Variants in ARK2C observed in about 807,000 individuals in gnomAD.
ARK2C encodes arkadia (RNF111) C-terminal like ring finger ubiquitin ligase 2C, also known as E3 ubiquitin-protein ligase ARK2C.
chr18:46,424,268 T>A, the ARK2C span, among the ~76,000 whole-genome samples: 1 of 152,086 alleles, frequency 6.6e-6, no homozygotes, highest in African/African-American at 2.4e-5. Flanking sequence ...GGGCAGAGAA[T>A]GGCTGTCGAG....
chr18:46,350,979 G>A, the ARK2C span, among the ~76,000 whole-genome samples: 1 of 152,204 alleles, frequency 6.6e-6, no homozygotes, highest in Non-Finnish European at 1.5e-5. Context: ...TGCAGGAGGT[G>A]CAGCCATAAA....
the ARK2C span, chr18:46,334,715 T>TGA: frequency 0.017 from 2,051 of 124,220 alleles, 60 homozygotes; most frequent in African/African-American, 0.062. This position sits in a 1 kb window ranked among gnomAD's most constrained non-coding sequence, Gnocchi z 4.4. Flanking sequence ...TGTGTGTGTG[T>TGA]GAGAGAGAGA....
At chr18:46,418,630 G>A in the ARK2C span, among the ~76,000 whole-genome samples, 7 of 152,152 alleles carry the variant, frequency 4.6e-5, no homozygotes, top group African/African-American at 1.7e-4. Flanking sequence ...GCTTCATCAC[G>A]GCTGCTTCCC....
chr18:46,456,161 TG>T, the ARK2C span: 3 of 879,330 alleles, frequency 3.4e-6, no homozygotes, highest in Admixed American at 2.0e-5. Flanking sequence ...GTCTGGGAGT[TG>T]GGGTGCTTGT....
At chr18:46,335,939 G>T in the ARK2C span, 2 of 985,202 alleles carry the variant, frequency 2.0e-6, no homozygotes, top group Non-Finnish European at 2.4e-6. Flanking sequence ...TTCTGCCTCC[G>T]CATTTAGCTG....
At chr18:46,393,245 C>G in the ARK2C span, among the ~76,000 whole-genome samples, 1 of 152,226 alleles carries the variant, frequency 6.6e-6, no homozygotes, top group African/African-American at 2.4e-5. Flanking sequence ...TGGTTTCATC[C>G]TGACAACATC....
At chr18:46,425,079 C>T in the ARK2C span, among the ~76,000 whole-genome samples, 1 of 152,222 alleles carries the variant, frequency 6.6e-6, no homozygotes, top group East Asian at 1.9e-4. Context: ...CCTTTCTGAC[C>T]ATCAGGGCCC....
the ARK2C span, among the ~76,000 whole-genome samples, chr18:46,387,835 GTTA>G: frequency 6.6e-6 from 1 of 152,230 alleles, no homozygotes; most frequent in Non-Finnish European, 1.5e-5. Flanking sequence ...GACCTTAGGG[GTTA>G]TTTAGTTACA....
At chr18:46,374,358 C>T in the ARK2C span, among the ~76,000 whole-genome samples, 1 of 152,180 alleles carries the variant, frequency 6.6e-6, no homozygotes, top group African/African-American at 2.4e-5. Flanking sequence ...CACCATCCAT[C>T]TCCAGAACTT....
the ARK2C span, among the ~76,000 whole-genome samples, chr18:46,424,424 C>A: frequency 2.8e-4 from 43 of 152,252 alleles, no homozygotes; most frequent in Middle Eastern, 6.8e-3. Flanking sequence ...ACGTGGCAGC[C>A]ATTTATTTGG....
At chr18:46,435,286 C>T in the ARK2C span, 7 of 1,613,734 alleles carry the variant, frequency 4.3e-6, no homozygotes, top group South Asian at 5.5e-5. Context: ...CCTTCTGGTG[C>T]AGGCGGAGTC....
At chr18:46,376,957 A>G in the ARK2C span, among the ~76,000 whole-genome samples, 7 of 152,232 alleles carry the variant, frequency 4.6e-5, no homozygotes, top group East Asian at 1.9e-4. Context: ...CGTAAGCCAC[A>G]GGGCCCGGCC....
the ARK2C span, among the ~76,000 whole-genome samples, chr18:46,400,578 C>T: frequency 3.9e-5 from 6 of 152,092 alleles, no homozygotes; most frequent in Admixed American, 6.5e-5. Flanking sequence ...AGGGAACACC[C>T]GCACCTGTTT....
the ARK2C span, among the ~76,000 whole-genome samples, chr18:46,371,012 G>A: frequency 1.1e-4 from 17 of 152,168 alleles, no homozygotes. Flanking sequence ...CTGACTCACA[G>A]TTCCACATGG....
chr18:46,407,781 C>T, the ARK2C span, among the ~76,000 whole-genome samples: 1 of 152,192 alleles, frequency 6.6e-6, no homozygotes, highest in African/African-American at 2.4e-5. Context: ...GTTTAGAGAA[C>T]TTACATTATA....
the ARK2C span, among the ~76,000 whole-genome samples, chr18:46,353,779 A>G: frequency 6.6e-6 from 1 of 152,148 alleles, no homozygotes; most frequent in Non-Finnish European, 1.5e-5. Flanking sequence ...CGGGCCCTCC[A>G]GAAGAGATAA....
the ARK2C span, among the ~76,000 whole-genome samples, chr18:46,451,250 C>T: frequency 2.6e-5 from 4 of 152,050 alleles, no homozygotes; most frequent in African/African-American, 7.2e-5. Context: ...CCTGACTGAG[C>T]GTCAGGATCA....
the ARK2C span, among the ~76,000 whole-genome samples, chr18:46,350,691 G>A: frequency 5.9e-5 from 9 of 152,172 alleles, no homozygotes; most frequent in African/African-American, 1.9e-4. Context: ...GTAGCTGAGA[G>A]ACTCCTTAGC....
chr18:46,400,886 T>C, the ARK2C span, among the ~76,000 whole-genome samples: 1 of 152,224 alleles, frequency 6.6e-6, no homozygotes, highest in South Asian at 2.1e-4. Flanking sequence ...CGTGCAGACA[T>C]TTACCACTTA....
Sources: allele counts gnomAD v4.1 joint callset (sites outside exome capture counted in the v4.1 genomes callset), GRCh38; gene constraint gnomAD v4.1.1; non-coding constraint Gnocchi (gnomAD v3.1); transcripts MANE v1.5; gene names NCBI Gene and HGNC (gene_info 2026-07-23, HGNC 2026-07-21).